Variants in CDKL5 observed in about 807,000 individuals in gnomAD.
The protein encoded by CDKL5 is cyclin dependent kinase like 5.
Under a neutral mutation model 61.7 loss-of-function variants are expected in CDKL5, and 8 were observed. That is an observed-to-expected ratio of 0.13 (90% CI 0.08 to 0.23). The LOEUF (loss-of-function observed/expected upper bound fraction) is 0.23. CDKL5 is among the 10% of genes least tolerant of loss of function. The probability of loss-of-function intolerance (pLI) is 1.00; values close to 1 mark genes in which losing one functional copy is unlikely to be tolerated. For missense variants in CDKL5, 440 were observed against 734.5 expected, an observed-to-expected ratio of 0.60 and a Z score of 4.63; for synonymous variants, 275 against 272.3, an observed-to-expected ratio of 1.01 and a Z score of -0.10.
chrX:18,455,728 A>G (rs1932126145), intron 1 of CDKL5, among the ~76,000 whole-genome samples: 1 of 112,809 alleles, frequency 8.9e-6, no homozygotes, highest in Non-Finnish European at 1.9e-5. Context: ...AATCGTAACA[A>G]TTATCATGTA....
intron 3 of CDKL5, among the ~76,000 whole-genome samples, chrX:18,538,200 G>A (rs760000583): frequency 1.3e-3 from 142 of 111,932 alleles, no homozygotes; most frequent in Admixed American, 3.5e-3. Context: ...GGCTAAAAAT[G>A]TTGAACACCG....
At chrX:18,511,024 A>C (rs188701247) in intron 3 of CDKL5, among the ~76,000 whole-genome samples, 170 bp downstream of exon 3, 2 of 111,797 alleles carry the variant, frequency 1.8e-5, no homozygotes, top group Admixed American at 1.9e-4. Flanking sequence ...CCATATATGT[A>C]ATGAGATACC....
chrX:18,558,444 T>A (rs1193105507), intron 3 of CDKL5, among the ~76,000 whole-genome samples: 1 of 111,732 alleles, frequency 8.9e-6, no homozygotes, highest in Non-Finnish European at 1.9e-5. Context: ...CTCAGGGTGG[T>A]GGTAGAATAA....
intron 1 of CDKL5, among the ~76,000 whole-genome samples, chrX:18,481,320 G>GTTTCTTTCTTTCTTTATTTCTTTC (rs1921549079): frequency 1.2e-5 from 1 of 84,671 alleles, no homozygotes; most frequent in Admixed American, 1.4e-4. Context: ...AAGAGTCCTG[G>GTTTCTTTCTTTCTTTATTTCTTTC]TTTCTTTCTT....
At chrX:18,469,602 C>T (rs1427449242) in intron 1 of CDKL5, among the ~76,000 whole-genome samples, 6 of 102,692 alleles carry the variant, frequency 5.8e-5, no homozygotes, top group Non-Finnish European at 1.2e-4. Flanking sequence ...GAGCCGAGAT[C>T]GTGCCATTGC....
intron 11 of CDKL5, 77 bp from the exon 12 acceptor site, chrX:18,603,821 ATTTG>A: frequency 9.2e-7 from 1 of 1,089,300 alleles, no homozygotes; most frequent in Admixed American, 2.2e-5. Context: ...TGTTTTGAGT[ATTTG>A]TTCTTTCTTT....
chrX:18,575,575 T>C (rs1925273390), intron 5 of CDKL5, 85 bp downstream of exon 5: 3 of 871,604 alleles, frequency 3.4e-6, no homozygotes, highest in South Asian at 2.0e-5. Flanking sequence ...AGTACTGTTA[T>C]CTAATATGGC....
chrX:18,441,797 A>AT lies in CDKL5; in HGVS notation c.-163+16106dup, dbSNP rs755930148. 2.7e-5 allele frequency among the ~76,000 whole-genome samples: 3 copies of AT among 110,276 alleles called. No homozygotes were observed. In the South Asian group the frequency reaches 1.2e-3, roughly 43 times the overall value. On this transcript the variant is annotated intron_variant, in intron 1 of 17. Transcript: ENST00000623535. Reference sequence around the variant, plus strand: ...GTGAGGGTCTCTTTACATACTCTTGATTTTCTCCCGTCCCTTTCTCAGTGA... The same window carrying AT: ...GTGAGGGTCTCTTTACATACTCTTGATTTTTCTCCCGTCCCTTTCTCAGTGA...
chrX:18,471,857 A>T (rs769057138), intron 1 of CDKL5, among the ~76,000 whole-genome samples: 27 of 111,328 alleles, frequency 2.4e-4, no homozygotes, highest in Non-Finnish European at 4.7e-4. Flanking sequence ...CTCCAGGCTC[A>T]GCCTCCCAAG....
intron 5 of CDKL5, among the ~76,000 whole-genome samples, chrX:18,576,010 T>C (rs1480022864): frequency 8.9e-6 from 1 of 112,280 alleles, no homozygotes; most frequent in African/African-American, 3.2e-5. Context: ...AAGCATGCAT[T>C]GTTTGAGCTG....
chrX:18,618,693 C>T (rs1346995707), intron 15 of CDKL5, among the ~76,000 whole-genome samples: 4 of 112,224 alleles, frequency 3.6e-5, no homozygotes, highest in Non-Finnish European at 7.5e-5. Flanking sequence ...TTTTGGCTGG[C>T]CGCGGTGGCT....
Position 18,539,223 on chromosome X carries a change from G to T in CDKL5, c.100-25254G>T, listed in dbSNP as rs867310240. Among the ~76,000 whole-genome samples the T allele has an allele frequency of 4.5e-5, 5 of 111,062 alleles. No individual in the cohort carries two copies. The Middle Eastern group carries it at 0.014, about 314-fold the overall frequency. ...TCTGTTTTCAATTTCATTTATTTCT[G>T]CTTTTATCATGATTATTTCCTTCTT... On this transcript the variant is annotated intron_variant, in intron 3 of 17. Coordinates refer to ENST00000623535, the MANE Select transcript of CDKL5 (RefSeq NM_001323289.2).
intron 1 of CDKL5, among the ~76,000 whole-genome samples, chrX:18,444,285 G>T (rs758509745): frequency 9.1e-6 from 1 of 110,412 alleles, no homozygotes; most frequent in South Asian, 3.7e-4. Flanking sequence ...CACATCCTTC[G>T]TGTTGTTTAA....
Position 18,635,061 on chromosome X carries a change from G to T in CDKL5, c.*6304G>T, listed in dbSNP as rs1927344704. On this transcript the variant is annotated 3_prime_UTR_variant, in exon 18 of 18. Transcript: ENST00000623535. ...TTCCATACTTTTTACTGTGGCAAGG[G>T]TGTGATGTGATTGTTAATCTTTTTA... 1 of 744,159 alleles carries T rather than the reference G, an allele frequency of 1.3e-6. No individual in the cohort carries two copies. Among genetic ancestry groups the T allele is most frequent in the Non-Finnish European group, 1.6e-6 (1 of 633,934 alleles). 61.3% of individuals were successfully genotyped at this position (744,159 alleles called of 1,213,427 possible).
intron 1 of CDKL5, among the ~76,000 whole-genome samples, chrX:18,470,396 G>GAAAAGAAAAAAAAAAAAAA (rs1921050574): frequency 1.1e-5 from 1 of 94,978 alleles, no homozygotes; most frequent in Non-Finnish European, 2.1e-5. Context: ...AAAAAAAGAA[G>GAAAAGAAAAAAAAAAAAAA]TAAATGGATG....
At chrX:18,558,226 G>A (rs778630443) in intron 3 of CDKL5, among the ~76,000 whole-genome samples, 2 of 111,183 alleles carry the variant, frequency 1.8e-5, no homozygotes, top group East Asian at 5.6e-4. Context: ...TTAAGATGTC[G>A]GCTTTTAAAT....
At chrX:18,448,417 A>G (rs11798101) in intron 1 of CDKL5, among the ~76,000 whole-genome samples, 5,924 of 111,109 alleles carry the variant, frequency 0.053, 168 homozygotes, top group Middle Eastern at 0.14. Context: ...ACCTCACATC[A>G]TCTCTCTTCT....
chrX:18,461,729 A>C (rs867319909), intron 1 of CDKL5, among the ~76,000 whole-genome samples: 1 of 112,268 alleles, frequency 8.9e-6, no homozygotes, highest in Middle Eastern at 4.6e-3. Context: ...TAAGTCAGCA[A>C]GTTTCAAACT....
intron 1 of CDKL5, among the ~76,000 whole-genome samples, chrX:18,490,504 C>T (rs1921957351): frequency 9.1e-6 from 1 of 110,488 alleles, no homozygotes; most frequent in African/African-American, 3.3e-5. Flanking sequence ...CATGAATCTT[C>T]AGCTTACAAA....
Sources: allele counts gnomAD v4.1 joint callset (sites outside exome capture counted in the v4.1 genomes callset), GRCh38; gene constraint gnomAD v4.1.1; transcripts MANE v1.5; gene names NCBI Gene and HGNC (gene_info 2026-07-23, HGNC 2026-07-21).